Variants in LMNB1 observed in about 807,000 individuals in gnomAD.
The protein encoded by LMNB1 is lamin B1, also known as lamin-B1.
LMNB1 carries 23 observed loss-of-function variants against 67.1 expected under a neutral mutation model. That is an observed-to-expected ratio of 0.34 (90% CI 0.25 to 0.49). The LOEUF (loss-of-function observed/expected upper bound fraction) is 0.49, where lower values mean the gene tolerates loss of function less well. Among genes scored for constraint, LMNB1 ranks in the 20% least tolerant of loss-of-function variants. The probability of loss-of-function intolerance (pLI) is 0.99; values close to 1 mark genes in which losing one functional copy is unlikely to be tolerated. For synonymous variants in LMNB1, 281 were observed against 282.9 expected, an observed-to-expected ratio of 0.99 and a Z score of 0.07; for missense variants, 634 against 746.5, an observed-to-expected ratio of 0.85 and a Z score of 1.76.
At chr5:126,787,546 A>AT (rs142332901) in intron 1 of LMNB1, among the ~76,000 whole-genome samples, 145 of 65,566 alleles carry the variant, frequency 2.2e-3, no homozygotes, top group East Asian at 9.2e-3. Context: ...ATATATATAT[A>AT]TTTTTTTTTT....
At chr5:126,815,327 T>C (rs1561749059) in intron 5 of LMNB1, 1 of 152,182 alleles carries the variant, frequency 6.6e-6, no homozygotes, top group Non-Finnish European at 1.5e-5. Flanking sequence ...ATTTAAATAA[T>C]ATATAGATGG....
intron 3 of LMNB1, among the ~76,000 whole-genome samples, chr5:126,809,252 A>G (rs1347912027): frequency 6.6e-6 from 1 of 152,200 alleles, no homozygotes; most frequent in East Asian, 1.9e-4. Context: ...CTATTCTTCA[A>G]TGGTAAATTT....
chr5:126,826,609 G>C (rs544847311), intron 9 of LMNB1, among the ~76,000 whole-genome samples: 3 of 152,276 alleles, frequency 2.0e-5, no homozygotes, highest in Non-Finnish European at 4.4e-5. Context: ...TGTGTTTTCA[G>C]TGTGTCAGTC....
chr5:126,800,033 T>G (rs984975292), intron 1 of LMNB1, among the ~76,000 whole-genome samples: 1 of 152,214 alleles, frequency 6.6e-6, no homozygotes, highest in Admixed American at 6.5e-5. Flanking sequence ...CTGGGTCCTC[T>G]GTAACAGAGG....
chr5:126,784,504 T>C (rs1300847182), intron 1 of LMNB1, among the ~76,000 whole-genome samples: 2 of 149,574 alleles, frequency 1.3e-5, no homozygotes, highest in African/African-American at 4.9e-5. Flanking sequence ...TACAGGCACG[T>C]GCCACCACGC....
intron 1 of LMNB1, among the ~76,000 whole-genome samples, chr5:126,785,533 C>G (rs1486778342): frequency 6.8e-6 from 1 of 147,100 alleles, no homozygotes; most frequent in Non-Finnish European, 1.5e-5. Flanking sequence ...GTTGCCCAGG[C>G]TTGTCTTGAA....
At chr5:126,789,663 A>G (rs1434085538) in intron 1 of LMNB1, among the ~76,000 whole-genome samples, 1 of 151,820 alleles carries the variant, frequency 6.6e-6, no homozygotes, top group Admixed American at 6.6e-5. Flanking sequence ...GGGACTTTGC[A>G]TTTGGAGTTT....
At chr5:126,810,135 G>A in intron 3 of LMNB1, 45 bp from the exon 4 acceptor site, 1 of 1,571,688 alleles carries the variant, frequency 6.4e-7, no homozygotes, top group Non-Finnish European at 8.7e-7. Context: ...TACCAATGCA[G>A]CCATGGTAAG....
intron 1 of LMNB1, among the ~76,000 whole-genome samples, chr5:126,800,966 TA>T (rs1481684576): frequency 2.6e-4 from 20 of 77,600 alleles, no homozygotes; most frequent in South Asian, 5.0e-4. Context: ...TATATATATA[TA>T]TATATATATA....
chr5:126,831,554 G>C (rs185153241), intron 9 of LMNB1, among the ~76,000 whole-genome samples: 1 of 152,186 alleles, frequency 6.6e-6, no homozygotes, highest in East Asian at 1.9e-4. Context: ...CATCTGTCTT[G>C]ATTTTGTTTC....
chr5:126,777,952 G>A (rs1306643903), intron 1 of LMNB1, 85 bp downstream of exon 1: 15 of 1,297,850 alleles, frequency 1.2e-5, no homozygotes, highest in Middle Eastern at 2.8e-4. Flanking sequence ...TCTGCCGTGG[G>A]GAGGGAGCAG....
At chr5:126,818,331 G>A (rs1057391885) in intron 5 of LMNB1, among the ~76,000 whole-genome samples, 4 of 149,724 alleles carry the variant, frequency 2.7e-5, no homozygotes, top group Admixed American at 6.7e-5. Flanking sequence ...CTCTGCCTCC[G>A]GGGTTCAAGC....
intron 3 of LMNB1, among the ~76,000 whole-genome samples, chr5:126,807,939 T>C: frequency 6.6e-6 from 1 of 152,116 alleles, no homozygotes. Flanking sequence ...TAGTACGATC[T>C]TGGCTCACTG....
chr5:126,813,578 AT>A (rs1243371257), intron 5 of LMNB1, among the ~76,000 whole-genome samples: 1 of 152,240 alleles, frequency 6.6e-6, no homozygotes, highest in African/African-American at 2.4e-5. Flanking sequence ...TATGTCAGAA[AT>A]TATTTCTCAC....
At chr5:126,795,887 A>G (rs1217842230) in intron 1 of LMNB1, among the ~76,000 whole-genome samples, 1 of 148,176 alleles carries the variant, frequency 6.7e-6, no homozygotes, top group African/African-American at 2.5e-5. Context: ...TGGCCTCCCA[A>G]AGTGCTGGGA....
intron 6 of LMNB1, 46 bp from the exon 7 acceptor site, chr5:126,820,864 G>T: frequency 7.2e-7 from 1 of 1,381,658 alleles, no homozygotes; most frequent in Non-Finnish European, 1.0e-6. Context: ...AAGGCGAGAA[G>T]GGCATATGTG....
Position 126,804,822 on chromosome 5 carries a change from C to G in LMNB1, c.406C>G (p.Arg136Gly). 6.2e-7 allele frequency: 1 copy of G among 1,614,076 alleles called. No homozygotes were observed. Among genetic ancestry groups the G allele is most frequent in the African/African-American group, 1.3e-5 (1 of 75,016 alleles). Residue 136 changes from arginine (R) to glycine (G), a missense_variant, in exon 2 of 11, where the codon CGA becomes GGA. Coordinates refer to ENST00000261366, the MANE Select transcript of LMNB1 (RefSeq NM_005573.4). ...TCTTAATGGCGCCCAGATCAAGCTT[C>G]GAGAATATGAAGCAGCACTGAATTC... is the stretch of plus-strand genomic sequence containing the variant. Reference protein sequence around the residue: ...SDLNGAQIKLREYEAALNSKD... With the variant: ...SDLNGAQIKLGEYEAALNSKD...
chr5:126,788,015 G>A (rs1450442923), intron 1 of LMNB1, among the ~76,000 whole-genome samples: 1 of 152,074 alleles, frequency 6.6e-6, no homozygotes, highest in Non-Finnish European at 1.5e-5. Flanking sequence ...GAACACTTGG[G>A]GAGTAACAAG....
At chr5:126,811,672 T>A in intron 4 of LMNB1, 101 bp from the exon 5 acceptor site, 1 of 1,074,744 alleles carries the variant, frequency 9.3e-7, no homozygotes, top group Non-Finnish European at 1.3e-6. Flanking sequence ...CATCTACCAG[T>A]TACCAGCAGG....
Sources: allele counts gnomAD v4.1 joint callset (sites outside exome capture counted in the v4.1 genomes callset), GRCh38; gene constraint gnomAD v4.1.1; transcripts MANE v1.5; gene names NCBI Gene and HGNC (gene_info 2026-07-23, HGNC 2026-07-21).